The following SENP5 variants were observed in gnomAD, a reference collection of about 807,000 sequenced individuals.
SENP5 encodes SUMO specific peptidase 5.
A neutral mutation model predicts 74.2 loss-of-function variants in SENP5; 21 were observed. That is an observed-to-expected ratio of 0.28 (90% CI 0.20 to 0.41). The LOEUF (loss-of-function observed/expected upper bound fraction) is 0.41. Among genes scored for constraint, SENP5 ranks in the 10% least tolerant of loss-of-function variants. The pLI is 1.00. For synonymous variants in SENP5, 311 were observed against 312.7 expected (o/e 0.99, Z 0.06); for missense variants, 717 against 889.1 (o/e 0.81, Z 2.46).
chr3:196,877,521 T>G (rs942651863), intron 1 of SENP5, among the ~76,000 whole-genome samples: 8 of 152,190 alleles, frequency 5.3e-5, no homozygotes, highest in African/African-American at 1.2e-4. Context: ...TAACATTTGT[T>G]TACATCTTTG....
chr3:196,886,157 T>C lies in SENP5; in HGVS notation c.976T>C (p.Cys326Arg), dbSNP rs771930246. The change falls in exon 2 of 10, where the codon TGC becomes CGC. Residue 326 changes from cysteine (C) to arginine (R), a missense_variant. By Grantham distance (180) the Cys-to-Arg change is radical. Coordinates refer to ENST00000323460, the MANE Select transcript of SENP5 (RefSeq NM_152699.5). ...VKGTNSHVPD[C>R]HTKGSSFLGK... is the part of the protein sequence containing the mutation. The stretch of plus-strand genomic sequence containing the variant: ...GGGGACGAACTCTCATGTGCCTGAT[T>C]GCCACACTAAAGGAAGCTCTTTCTT... 21 of 1,614,074 alleles carry C rather than the reference T, an allele frequency of 1.3e-5. No individual in the cohort carries two copies. Among genetic ancestry groups the C allele is most frequent in the Non-Finnish European group, 1.8e-5 (21 of 1,180,040 alleles).
At chr3:196,869,975 G>C (rs577125420) in intron 1 of SENP5, among the ~76,000 whole-genome samples, 10 of 151,068 alleles carry the variant, frequency 6.6e-5, no homozygotes, top group Non-Finnish European at 1.3e-4. Context: ...CTGCCTTTCT[G>C]CCTCCTTCAT....
chr3:196,919,608 A>C (rs1715527895), intron 6 of SENP5, among the ~76,000 whole-genome samples: 1 of 152,176 alleles, frequency 6.6e-6, no homozygotes, highest in African/African-American at 2.4e-5. Context: ...AGCCTGACCA[A>C]CATGGAGAAA....
intron 7 of SENP5, among the ~76,000 whole-genome samples, chr3:196,924,135 G>T (rs973844072): frequency 2.0e-5 from 3 of 152,148 alleles, no homozygotes; most frequent in African/African-American, 7.2e-5. Flanking sequence ...GTACTTAAAA[G>T]AAATCTGTAC....
At chr3:196,882,928 AT>A (rs10576427) in intron 1 of SENP5, among the ~76,000 whole-genome samples, 56,869 of 144,376 alleles carry the variant, frequency 0.39, 11,409 homozygotes, top group Non-Finnish European at 0.45. Flanking sequence ...ATCTTTATGG[AT>A]TTTTTTTTTT....
At chr3:196,921,659 A>G (rs1227611271) in intron 6 of SENP5, among the ~76,000 whole-genome samples, 1 of 152,114 alleles carries the variant, frequency 6.6e-6, no homozygotes, top group East Asian at 1.9e-4. Context: ...GGAAAGGAAC[A>G]TTGTTTATTA....
At chr3:196,926,238 C>T (rs1284825893) in intron 7 of SENP5, among the ~76,000 whole-genome samples, 1 of 152,112 alleles carries the variant, frequency 6.6e-6, no homozygotes, top group Non-Finnish European at 1.5e-5. Flanking sequence ...GATCCCAGCA[C>T]TTTGGGAGGC....
At chr3:196,883,880 C>T (rs1031583793) in intron 1 of SENP5, among the ~76,000 whole-genome samples, 1 of 152,020 alleles carries the variant, frequency 6.6e-6, no homozygotes, top group Non-Finnish European at 1.5e-5. Flanking sequence ...TTAGTAGAGA[C>T]GGGGTTTCAC....
In SENP5 at chr3:196,932,109, C is replaced by T. The variant is rs755622584; in HGVS notation, c.*1186C>T. 1 of 248,640 alleles carries T rather than the reference C, an allele frequency of 4.0e-6. No individual in the cohort carries two copies. Among genetic ancestry groups the T allele is most frequent in the Non-Finnish European group, 8.1e-6 (1 of 124,152 alleles). 15.4% of individuals were successfully genotyped at this position (248,640 alleles called of 1,614,324 possible). A position where few individuals can be genotyped will look rare whatever the true frequency, so the allele number is the denominator to read the frequency against. ...TGAACCTCATCTTCTGAAGAAAGGCCAAGTGGCCCTTGTCCATACACTTAG... is the reference window on the plus strand; with the variant it reads ...TGAACCTCATCTTCTGAAGAAAGGCTAAGTGGCCCTTGTCCATACACTTAG... On this transcript the variant is annotated 3_prime_UTR_variant, in exon 10 of 10. Transcript: ENST00000323460.
chr3:196,876,655 C>A (rs1463945059), intron 1 of SENP5, among the ~76,000 whole-genome samples: 1 of 148,878 alleles, frequency 6.7e-6, no homozygotes, highest in South Asian at 2.1e-4. Flanking sequence ...TTTCGGTGGG[C>A]GGATCACTTG....
At chr3:196,910,601 C>T (rs1226715210) in intron 6 of SENP5, among the ~76,000 whole-genome samples, 1 of 151,950 alleles carries the variant, frequency 6.6e-6, no homozygotes, top group Non-Finnish European at 1.5e-5. Context: ...CTGCCTCGGC[C>T]TTCCAGAGTG....
chr3:196,909,840 C>T lies in SENP5; in HGVS notation c.1884+6230C>T, dbSNP rs972600179. ...TGGAAACATTCCCTTTGAAAACTGG[C>T]ACAAGACAAGGATGCCCTCTCCCAT... is the stretch of plus-strand genomic sequence containing the variant. On this transcript the variant is annotated intron_variant, in intron 6 of 9. Transcript: ENST00000323460. Among the ~76,000 whole-genome samples, 29 of 152,140 alleles carry T rather than the reference C, an allele frequency of 1.9e-4. 1 individual carries two copies. Among genetic ancestry groups the T allele is most frequent in the Non-Finnish European group, 4.1e-4 (28 of 68,038 alleles).
chr3:196,904,257 A>G (rs114461288), intron 6 of SENP5, among the ~76,000 whole-genome samples: 140 of 152,278 alleles, frequency 9.2e-4, no homozygotes, highest in African/African-American at 3.3e-3. Context: ...TAGTTCTTTT[A>G]GATAGGCTTG....
In SENP5 at chr3:196,927,892, T is replaced by C; in HGVS notation, c.2106+13T>C. On this transcript the variant is annotated intron_variant, in intron 8 of 9. Transcript: ENST00000323460. ...TGCTGTTACGAAGGTAAGTATGTGATAACAATGAAACCCAGGCATGTCCAG... is the reference window on the plus strand; with the variant it reads ...TGCTGTTACGAAGGTAAGTATGTGACAACAATGAAACCCAGGCATGTCCAG... The C allele has an allele frequency of 6.4e-7, 1 of 1,565,408 alleles. No homozygotes were observed. Among genetic ancestry groups the C allele is most frequent in the Non-Finnish European group, 8.8e-7 (1 of 1,135,766 alleles).
chr3:196,925,973 G>A (rs143607709), intron 7 of SENP5, among the ~76,000 whole-genome samples: 1,837 of 152,290 alleles, frequency 0.012, 10 homozygotes, highest in Middle Eastern at 0.031. Context: ...GGTTGTAGAA[G>A]TGGCTCTTAA....
intron 5 of SENP5, among the ~76,000 whole-genome samples, chr3:196,900,936 A>G (rs1054140312): frequency 6.6e-5 from 10 of 151,492 alleles, no homozygotes; most frequent in African/African-American, 9.7e-5. Flanking sequence ...TTGTTTTCCT[A>G]TTTATTTGTG....
intron 1 of SENP5, among the ~76,000 whole-genome samples, chr3:196,868,829 GTTAAAT>G (rs1013004194): frequency 6.6e-6 from 1 of 151,402 alleles, no homozygotes; most frequent in Non-Finnish European, 1.5e-5. Context: ...TGAGAATCTG[GTTAAAT>G]TTAATTTAAG....
chr3:196,930,876 C>T lies in SENP5; in HGVS notation c.2221C>T (p.Arg741Trp), dbSNP rs1180379954. The T allele has an allele frequency of 2.5e-6, 4 of 1,613,852 alleles. No individual in the cohort carries two copies. The highest frequency in any genetic ancestry group is 1.7e-5 in the Admixed American group (1 of 60,014). Reference protein sequence around the residue: ...QFSQEDMPRVRKRIYKELCEC... With the variant: ...QFSQEDMPRVWKRIYKELCEC... ...TTCACAAGAAGACATGCCCCGAGTG[C>T]GGAAGAGGATTTACAAGGAGCTATG... The change falls in exon 10 of 10, where the codon CGG (arginine) becomes TGG (tryptophan). Residue 741 changes from arginine (R) to tryptophan (W), a missense_variant. This residue lies in a region of SENP5 where 85 missense variants were observed against 188.9 expected (regional missense o/e 0.45). Coordinates refer to ENST00000323460, the MANE Select transcript of SENP5 (RefSeq NM_152699.5).
chr3:196,870,933 G>A (rs1368619526), intron 1 of SENP5, among the ~76,000 whole-genome samples: 4 of 151,958 alleles, frequency 2.6e-5, no homozygotes, highest in East Asian at 1.9e-4. Flanking sequence ...CACTTTGGGA[G>A]GCCGAGGCGG....
Sources: allele counts gnomAD v4.1 joint callset (sites outside exome capture counted in the v4.1 genomes callset), GRCh38; gene constraint gnomAD v4.1.1; regional missense constraint gnomAD v4.1.1; transcripts MANE v1.5; gene names NCBI Gene and HGNC (gene_info 2026-07-23, HGNC 2026-07-21).